Variants in SH3RF3 observed in about 807,000 individuals in gnomAD.
The protein encoded by SH3RF3 is E3 ubiquitin-protein ligase SH3RF3.
In SH3RF3, 29 loss-of-function variants were observed where a neutral mutation model predicts 66.3. The ratio of observed to expected loss-of-function variants is 0.44; its 90% CI spans 0.33 to 0.60. The LOEUF (loss-of-function observed/expected upper bound fraction) is 0.60. Among genes scored for constraint, SH3RF3 ranks in the 20% least tolerant of loss-of-function variants. The pLI, the probability that SH3RF3 is intolerant of heterozygous loss-of-function variation, is 0.04. For synonymous variants in SH3RF3, 583 were observed against 532.0 expected, an observed-to-expected ratio of 1.10 and a Z score of -1.32; for missense variants, 1,194 against 1,190.9, an observed-to-expected ratio of 1.00 and a Z score of -0.04.
At chr2:109,317,196 G>C (rs929628875) in intron 1 of SH3RF3, among the ~76,000 whole-genome samples, 1 of 117,086 alleles carries the variant, frequency 8.5e-6, no homozygotes, top group Non-Finnish European at 1.7e-5. Context: ...ATGGTGTTGG[G>C]GTTTTCGGGA....
At chr2:109,322,578 A>T (rs1682051167) in intron 1 of SH3RF3, among the ~76,000 whole-genome samples, 2 of 152,250 alleles carry the variant, frequency 1.3e-5, no homozygotes. Flanking sequence ...GAGTTACTGC[A>T]AGAATAAATT....
At chr2:109,233,903 C>T (rs1679581186) in intron 1 of SH3RF3, among the ~76,000 whole-genome samples, 1 of 152,192 alleles carries the variant, frequency 6.6e-6, no homozygotes, top group Admixed American at 6.5e-5. Flanking sequence ...TTTATTGCTG[C>T]ATAATATTCC....
intron 3 of SH3RF3, among the ~76,000 whole-genome samples, chr2:109,373,793 A>G (rs1019737385): frequency 5.3e-5 from 8 of 152,166 alleles, no homozygotes; most frequent in Non-Finnish European, 1.2e-4. Flanking sequence ...CTAAGAGCAA[A>G]TCTTAAAGGA....
Position 109,130,091 on chromosome 2 carries a change from G to A in SH3RF3, c.551G>A (p.Ser184Asn). ...GGCAGTCTGCGGGAGCTGGCGACCA[G>A]CAGGACCGCGCCGGCGGCAAAGGTG... ...TAGSLRELAT[S>N]RTAPAAKNPC... Residue 184 changes from serine (S) to asparagine (N), a missense_variant, in exon 1 of 10, where the codon AGC becomes AAC. By Grantham distance (46) the Ser-to-Asn change is conservative. Transcript: ENST00000309415. 1 of 1,353,798 alleles carries A rather than the reference G, an allele frequency of 7.4e-7. No individual in the cohort carries two copies. The allele number at this position is 1,353,798 out of a possible 1,614,324, so 83.9% of individuals were successfully genotyped here.
intron 8 of SH3RF3, among the ~76,000 whole-genome samples, chr2:109,462,834 C>A (rs1678241114): frequency 6.6e-6 from 1 of 152,218 alleles, no homozygotes; most frequent in Non-Finnish European, 1.5e-5. Flanking sequence ...CTCCACTGAT[C>A]ACCTGTGCTC....
At chr2:109,286,940 G>T (rs1198883783) in intron 1 of SH3RF3, among the ~76,000 whole-genome samples, 1 of 152,182 alleles carries the variant, frequency 6.6e-6, no homozygotes, top group East Asian at 1.9e-4. Context: ...AGCATTTGTG[G>T]ACCCTGCCCA....
At position 109,240,650 on chromosome 2, in the gene SH3RF3, C is replaced by T. The variant is rs139174898; in HGVS notation, c.574-107024C>T. 6.6e-4 allele frequency among the ~76,000 whole-genome samples: 101 copies of T among 152,218 alleles called. 2 individuals are homozygous for T. The East Asian group carries it at 0.018, about 27-fold the overall frequency. On this transcript the variant is annotated intron_variant, in intron 1 of 9. Coordinates refer to ENST00000309415, the MANE Select transcript of SH3RF3 (RefSeq NM_001099289.3). Reference sequence around the variant, plus strand: ...CTTCTCTAATATCCCCTGCCACTGACGGATTATTTCACACGAACCAGAGAG... The same window carrying T: ...CTTCTCTAATATCCCCTGCCACTGATGGATTATTTCACACGAACCAGAGAG...
At chr2:109,480,265 G>A (rs117430785) in intron 8 of SH3RF3, among the ~76,000 whole-genome samples, 1 of 152,302 alleles carries the variant, frequency 6.6e-6, no homozygotes, top group East Asian at 1.9e-4. Flanking sequence ...GCATCTCCCA[G>A]GTGCCCAGCA....
Position 109,335,811 on chromosome 2 carries a change from C to T in SH3RF3, c.574-11863C>T, listed in dbSNP as rs368188401. 1.8e-4 allele frequency among the ~76,000 whole-genome samples: 27 copies of T among 152,216 alleles called. No individual in the cohort carries two copies. The East Asian group carries it at 2.7e-3, about 15-fold the overall frequency. Reference sequence around the variant, plus strand: ...TCCTAAAACCACTTCCTACCTTACGCGGCTGTAGAGAGGATAAGAATGAAA... The same window carrying T: ...TCCTAAAACCACTTCCTACCTTACGTGGCTGTAGAGAGGATAAGAATGAAA... On this transcript the variant is annotated intron_variant, in intron 1 of 9. Transcript: ENST00000309415.
Position 109,457,608 on chromosome 2 carries a change from G to A in SH3RF3, c.2148+8119G>A, listed in dbSNP as rs115517564. ...GTGTGACAGTGTGGCTGGGGCGAGC[G>A]ATGCACACACTGCATGGCCGGGAGC... On this transcript the variant is annotated intron_variant, in intron 8 of 9. Coordinates refer to ENST00000309415, the MANE Select transcript of SH3RF3 (RefSeq NM_001099289.3). Among the ~76,000 whole-genome samples, 894 of 152,336 alleles carry A rather than the reference G, an allele frequency of 5.9e-3. 5 individuals are homozygous for A. Among genetic ancestry groups the A allele is most frequent in the African/African-American group, 0.021 (856 of 41,582 alleles).
intron 1 of SH3RF3, among the ~76,000 whole-genome samples, chr2:109,190,660 C>G (rs17035099): frequency 2.0e-5 from 3 of 152,066 alleles, no homozygotes; most frequent in African/African-American, 7.2e-5. Context: ...TGTTTCATTT[C>G]TACAGTCTAT....
chr2:109,465,272 C>T (rs139811169), intron 8 of SH3RF3, among the ~76,000 whole-genome samples: 63 of 152,228 alleles, frequency 4.1e-4, no homozygotes, highest in African/African-American at 1.3e-3. Flanking sequence ...TGAATACAGC[C>T]GCTATAAACA....
intron 1 of SH3RF3, among the ~76,000 whole-genome samples, chr2:109,193,631 T>C (rs929691267): frequency 3.3e-5 from 5 of 152,238 alleles, no homozygotes; most frequent in African/African-American, 1.2e-4. Flanking sequence ...GCACCACATT[T>C]CTTTCTCCAT....
chr2:109,145,552 C>T (rs770284037), intron 1 of SH3RF3, among the ~76,000 whole-genome samples: 117 of 152,230 alleles, frequency 7.7e-4, no homozygotes, highest in Non-Finnish European at 1.5e-3. Context: ...ACACATCCTC[C>T]ACCCCTAGGC....
chr2:109,204,695 A>G (rs933842868), intron 1 of SH3RF3, among the ~76,000 whole-genome samples: 1 of 152,226 alleles, frequency 6.6e-6, no homozygotes, highest in Admixed American at 6.5e-5. Flanking sequence ...GAACTGTTCT[A>G]GCAGTCTCTT....
chr2:109,503,691 G>A lies in SH3RF3; in HGVS notation c.*2020G>A, dbSNP rs1004316578. On this transcript the variant is annotated 3_prime_UTR_variant, in exon 10 of 10. Coordinates refer to ENST00000309415, the MANE Select transcript of SH3RF3 (RefSeq NM_001099289.3). ...ACCTGGATGACGCAGGTGTTCTCCA[G>A]GGAAACCAGACCAAGTCAAGTCTCC... is the stretch of plus-strand genomic sequence containing the variant. 1 of 152,174 alleles carries A rather than the reference G, an allele frequency of 6.6e-6. No homozygotes were observed. The highest frequency in any genetic ancestry group is 2.4e-5 in the African/African-American group (1 of 41,408). The allele number at this position is 152,174 out of a possible 1,614,324, so 9.4% of individuals were successfully genotyped here.
At chr2:109,197,811 C>T (rs758532178) in intron 1 of SH3RF3, among the ~76,000 whole-genome samples, 1 of 152,186 alleles carries the variant, frequency 6.6e-6, no homozygotes, top group Non-Finnish European at 1.5e-5. Flanking sequence ...TAAAAAAATG[C>T]TATGGTGGGT....
intron 4 of SH3RF3, among the ~76,000 whole-genome samples, chr2:109,403,649 G>A (rs1676373994): frequency 6.6e-6 from 1 of 152,206 alleles, no homozygotes; most frequent in Non-Finnish European, 1.5e-5. Context: ...TTTCTTTTAG[G>A]CTGAGGCCAG....
At chr2:109,185,468 C>T (rs1362549381) in intron 1 of SH3RF3, among the ~76,000 whole-genome samples, 1 of 152,228 alleles carries the variant, frequency 6.6e-6, no homozygotes, top group East Asian at 1.9e-4. Flanking sequence ...AAAATAAACT[C>T]AGGACATCAC....
Sources: gnomAD v4.1 joint callset for allele counts (sites outside exome capture counted in the v4.1 genomes callset) on GRCh38, gnomAD v4.1.1 for gene constraint, MANE v1.5 for transcripts, NCBI Gene and HGNC (gene_info 2026-07-23, HGNC 2026-07-21) for gene names.